The following TSHZ3 variants were observed in gnomAD, a reference collection of about 807,000 sequenced individuals.
The protein encoded by TSHZ3 is teashirt zinc finger homeobox 3, also known as teashirt homolog 3.
Under a neutral mutation model 64.5 loss-of-function variants are expected in TSHZ3, and 10 were observed. That is an observed-to-expected ratio of 0.16 (90% confidence interval 0.10 to 0.26). TSHZ3 has a LOEUF of 0.26. TSHZ3 is among the 10% of genes least tolerant of loss of function. The pLI is 1.00. For missense variants in TSHZ3, 1,242 were observed against 1,421.7 expected (o/e 0.87, Z 2.03); for synonymous variants, 608 against 593.1 (o/e 1.03, Z -0.36).
At chr19:31,349,505 TGGAGGAGGA>T, upstream of TSHZ3, 1 of 307,174 alleles carries the variant, frequency 3.3e-6, no homozygotes, top group Non-Finnish European at 5.7e-6. Context: ...GAGGAGGAGG[TGGAGGAGGA>T]GGAGGAGGAC....
At chr19:31,298,989 G>C (rs1976709155) in intron 1 of TSHZ3, among the ~76,000 whole-genome samples, 1 of 152,216 alleles carries the variant, frequency 6.6e-6, no homozygotes, top group South Asian at 2.1e-4. Flanking sequence ...GAGGTTAGGA[G>C]TTCGAGTCCA....
chr19:31,339,145 T>C (rs749320483), intron 1 of TSHZ3, among the ~76,000 whole-genome samples: 6 of 152,034 alleles, frequency 3.9e-5, no homozygotes, highest in Admixed American at 6.6e-5. Context: ...CTACCACCCT[T>C]TGCAAGCCAG....
Position 31,277,063 on chromosome 19 carries a change from A to C in TSHZ3, c.2730T>G (p.Phe910Leu). 6.2e-7 allele frequency: 1 copy of C among 1,608,944 alleles called. No homozygotes were observed. The highest frequency in any genetic ancestry group is 8.5e-7 in the Non-Finnish European group (1 of 1,176,662). The change falls in exon 2 of 2, where the codon TTT becomes TTG. Residue 910 changes from phenylalanine to leucine, a missense_variant. Phe to Leu is a conservative substitution (Grantham distance 22). Around this residue, in one of 4 missense-constraint regions of TSHZ3, gnomAD observed 550 missense variants for 545.1 expected, o/e 1.01. Coordinates refer to ENST00000240587, the MANE Select transcript of TSHZ3 (RefSeq NM_020856.4). The surrounding 1 kb of genome is among the most constrained non-coding windows in gnomAD (Gnocchi z 4.5). ...PQHLLILQAQ[F>L]AASLRQTSEG... ...CTGAGGTCTGCCGGAGGCTGGCGGCAAACTGGGCCTGGAGGATCAGGAGGT... is the reference window on the plus strand; with the variant it reads ...CTGAGGTCTGCCGGAGGCTGGCGGCCAACTGGGCCTGGAGGATCAGGAGGT...
intron 1 of TSHZ3, among the ~76,000 whole-genome samples, chr19:31,262,785 G>T (rs1258686199): frequency 1.3e-5 from 2 of 152,108 alleles, no homozygotes; most frequent in African/African-American, 4.8e-5. Context: ...GACGAAATTC[G>T]AGCAGATCAT....
rs142029055 is a variant in TSHZ3 at position 31,312,716 on chromosome 19, C to T, written c.41-32964G>A. 4.4e-3 allele frequency among the ~76,000 whole-genome samples: 666 copies of T among 152,262 alleles called. 7 individuals are homozygous for T. The highest frequency in any genetic ancestry group is 0.015 in the African/African-American group (610 of 41,554). ...ATGAGGTGGTTCATCTTGAATCACA[C>T]GGTAATAAATTACTCCCTTGTCAGT... On this transcript the variant is annotated intron_variant, in intron 1 of 1. Transcript: ENST00000240587.
At chr19:31,280,885 C>T (rs1392577969) in intron 1 of TSHZ3, among the ~76,000 whole-genome samples, 1 of 152,148 alleles carries the variant, frequency 6.6e-6, no homozygotes, top group African/African-American at 2.4e-5. Flanking sequence ...CATTCTCTTG[C>T]ATTCGGTGAC....
intron 1 of TSHZ3, among the ~76,000 whole-genome samples, chr19:31,264,039 T>C (rs780308920): frequency 6.6e-6 from 1 of 152,096 alleles, no homozygotes; most frequent in Non-Finnish European, 1.5e-5. Context: ...AAAGACCCCA[T>C]GTAGAATAGG....
intron 1 of TSHZ3, among the ~76,000 whole-genome samples, chr19:31,268,924 T>C (rs1224897903): frequency 6.6e-6 from 1 of 152,046 alleles, no homozygotes; most frequent in Non-Finnish European, 1.5e-5. Flanking sequence ...ACACAGTCTC[T>C]TGTACCCCAA....
In TSHZ3 at chr19:31,317,569, T is replaced by C. The variant is rs1413395057; in HGVS notation, c.40+31611A>G. Among the ~76,000 whole-genome samples, 6 of 152,104 alleles carry C rather than the reference T, an allele frequency of 3.9e-5. No homozygotes were observed. The East Asian group carries it at 1.2e-3, about 29-fold the overall frequency. On this transcript the variant is annotated intron_variant, in intron 1 of 1. Coordinates refer to ENST00000240587, the MANE Select transcript of TSHZ3 (RefSeq NM_020856.4). Reference sequence around the variant, plus strand: ...ACAGAAGGCCTAAGGAACTCCCTGCTCAGACTCAAGACAAAGGAAGGAAAC... The same window carrying C: ...ACAGAAGGCCTAAGGAACTCCCTGCCCAGACTCAAGACAAAGGAAGGAAAC...
At chr19:31,264,590 G>A (rs564162053) in intron 1 of TSHZ3, among the ~76,000 whole-genome samples, 57 of 152,308 alleles carry the variant, frequency 3.7e-4, no homozygotes, top group Admixed American at 1.0e-3. Context: ...GCTGCTGCCC[G>A]GTTCCAGCCA....
intron 1 of TSHZ3, among the ~76,000 whole-genome samples, chr19:31,294,557 A>G (rs16965396): frequency 0.047 from 7,197 of 152,300 alleles, 310 homozygotes; most frequent in African/African-American, 0.11. Flanking sequence ...AAATCATTCT[A>G]GCCTGCTTGA....
At chr19:31,258,140 C>T (rs1486543047) in intron 1 of TSHZ3, among the ~76,000 whole-genome samples, 1 of 152,186 alleles carries the variant, frequency 6.6e-6, no homozygotes, top group East Asian at 1.9e-4. Flanking sequence ...AGCTGGGGTT[C>T]AGACCCATCC....
At chr19:31,217,856 A>G (rs1046056200) in intron 4 of TSHZ3, among the ~76,000 whole-genome samples, 1 of 152,118 alleles carries the variant, frequency 6.6e-6, no homozygotes, top group Non-Finnish European at 1.5e-5. Context: ...TGGTCTTTTC[A>G]CTGTCTTTAC....
At chr19:31,204,361 CTCT>C (rs1275172505) in intron 5 of TSHZ3, among the ~76,000 whole-genome samples, 1 of 150,666 alleles carries the variant, frequency 6.6e-6, no homozygotes, top group Non-Finnish European at 1.5e-5. Flanking sequence ...CGTCCTTCCT[CTCT>C]TCTTCTTTCT....
chr19:31,180,175 T>A (rs183479514), intron 5 of TSHZ3, among the ~76,000 whole-genome samples: 1 of 152,284 alleles, frequency 6.6e-6, no homozygotes, highest in East Asian at 1.9e-4. Flanking sequence ...GGCTTGGCAG[T>A]GTCTAGCAGG....
At position 31,278,086 on chromosome 19, in the gene TSHZ3, C is replaced by G; in HGVS notation, c.1707G>C (p.Lys569Asn). ...MMKLSLGSSG[K>N]STPLKPMFGN... Reference sequence around the variant, plus strand: ...CAAACATGGGTTTCAGGGGCGTGCTCTTCCCCGACGAGCCCAGGGACAACT... The same window carrying G: ...CAAACATGGGTTTCAGGGGCGTGCTGTTCCCCGACGAGCCCAGGGACAACT... The change falls in exon 2 of 2, where the codon AAG becomes AAC. Residue 569 changes from lysine to asparagine, a missense_variant. By Grantham distance (94) the Lys-to-Asn change is moderately conservative. Transcript: ENST00000240587. The surrounding 1 kb of genome is among the most constrained non-coding windows in gnomAD (Gnocchi z 4.7). 1.9e-6 allele frequency: 3 copies of G among 1,614,146 alleles called. No homozygotes were observed. The highest frequency in any genetic ancestry group is 2.5e-6 in the Non-Finnish European group (3 of 1,180,014).
At chr19:31,317,677 G>T (rs965016595) in intron 1 of TSHZ3, among the ~76,000 whole-genome samples, 1 of 152,248 alleles carries the variant, frequency 6.6e-6, no homozygotes, top group African/African-American at 2.4e-5. Flanking sequence ...CAGACTGGCT[G>T]CAGCTGTCCC....
chr19:31,198,196 C>G (rs1249364221), intron 5 of TSHZ3, among the ~76,000 whole-genome samples: 1 of 152,086 alleles, frequency 6.6e-6, no homozygotes, highest in Non-Finnish European at 1.5e-5. Flanking sequence ...AAGAATAAAA[C>G]TCACAAGACC....
intron 1 of TSHZ3, among the ~76,000 whole-genome samples, chr19:31,253,456 C>T (rs766233313): frequency 6.6e-6 from 1 of 152,172 alleles, no homozygotes; most frequent in Non-Finnish European, 1.5e-5. Context: ...TGCCCCTCCA[C>T]AGGGGTTAAC....
Sources: allele counts gnomAD v4.1 joint callset (sites outside exome capture counted in the v4.1 genomes callset), GRCh38; gene constraint gnomAD v4.1.1; regional missense constraint gnomAD v4.1.1; non-coding constraint Gnocchi (gnomAD v3.1); transcripts MANE v1.5; gene names NCBI Gene and HGNC (gene_info 2026-07-23, HGNC 2026-07-21).